The following STK39 variants were observed in gnomAD, a reference collection of about 807,000 sequenced individuals.
STK39 encodes STE20/SPS1-related proline-alanine-rich protein kinase.
Under a neutral mutation model 77.8 loss-of-function variants are expected in STK39, and 20 were observed. The ratio of observed to expected loss-of-function variants is 0.26; its 90% CI spans 0.18 to 0.37. The LOEUF (loss-of-function observed/expected upper bound fraction) is 0.37, where lower values mean the gene tolerates loss of function less well. Among genes scored for constraint, STK39 ranks in the 10% least tolerant of loss-of-function variants. The pLI is 1.00. For synonymous variants in STK39, 246 were observed against 234.1 expected, an observed-to-expected ratio of 1.05 and a Z score of -0.47; for missense variants, 479 against 656.5, an observed-to-expected ratio of 0.73 and a Z score of 2.95.
At chr2:168,236,325 G>C (rs1319090421) in intron 1 of STK39, among the ~76,000 whole-genome samples, 4 of 152,076 alleles carry the variant, frequency 2.6e-5, no homozygotes, top group African/African-American at 9.7e-5. Context: ...AAATTTGTTG[G>C]AGTTCATTGT....
chr2:168,179,051 G>A (rs1255692669), intron 2 of STK39, among the ~76,000 whole-genome samples: 1 of 149,592 alleles, frequency 6.7e-6, no homozygotes, highest in African/African-American at 2.5e-5. Context: ...CCAACAAATA[G>A]TTGATAATTG....
At chr2:168,018,506 G>T (rs1409394637) in intron 14 of STK39, among the ~76,000 whole-genome samples, 1 of 107,326 alleles carries the variant, frequency 9.3e-6, no homozygotes, top group Non-Finnish European at 1.8e-5. Flanking sequence ...TTTAAGAAAA[G>T]AAAGAAAAGA....
At chr2:168,100,170 ACT>A (rs1686784131) in intron 10 of STK39, among the ~76,000 whole-genome samples, 1 of 152,176 alleles carries the variant, frequency 6.6e-6, no homozygotes, top group Non-Finnish European at 1.5e-5. Flanking sequence ...TTTATATTGC[ACT>A]CACAATTGGG....
chr2:168,200,205 A>G (rs74532353), intron 1 of STK39, among the ~76,000 whole-genome samples: 3,584 of 152,306 alleles, frequency 0.024, 87 homozygotes, highest in East Asian at 0.078. Context: ...GAAGTGGGAA[A>G]GGCTACAAGT....
rs143767136 is a variant in STK39 at position 168,127,912 on chromosome 2, G to A, written c.1089+1629C>T. Among the ~76,000 whole-genome samples, 64 of 152,192 alleles carry A rather than the reference G, an allele frequency of 4.2e-4. 1 individual carries two copies. In the East Asian group the frequency reaches 9.7e-3, roughly 23 times the overall value. Reference sequence around the variant, plus strand: ...GAAGATGTGGAGAGTGGTTAGATGGGGAAGACAAGGTAGGGAAGGAGGGCT... The same window carrying A: ...GAAGATGTGGAGAGTGGTTAGATGGAGAAGACAAGGTAGGGAAGGAGGGCT... On this transcript the variant is annotated intron_variant, in intron 10 of 17. Transcript: ENST00000355999.
intron 1 of STK39, among the ~76,000 whole-genome samples, chr2:168,210,078 G>GAAGGAAGA (rs1273245360): frequency 6.9e-4 from 94 of 135,408 alleles, no homozygotes; most frequent in African/African-American, 2.2e-3. Flanking sequence ...AGGAAGGAAG[G>GAAGGAAGA]AAGAAAGAAA....
At chr2:168,183,972 A>G (rs1689145123) in intron 1 of STK39, among the ~76,000 whole-genome samples, 2 of 152,226 alleles carry the variant, frequency 1.3e-5, no homozygotes, top group Admixed American at 1.3e-4. Context: ...CCTGGTACCC[A>G]GCAGAGAAAT....
At chr2:168,086,172 T>G (rs1411116778) in intron 10 of STK39, among the ~76,000 whole-genome samples, 2 of 152,242 alleles carry the variant, frequency 1.3e-5, no homozygotes, top group East Asian at 1.9e-4. Flanking sequence ...GAATGTGTTT[T>G]CATTTTGTAT....
At chr2:168,193,174 G>C (rs1689381338) in intron 1 of STK39, among the ~76,000 whole-genome samples, 1 of 152,164 alleles carries the variant, frequency 6.6e-6, no homozygotes, top group Admixed American at 6.5e-5. Context: ...CTCTCCATCT[G>C]ATCTGATTGC....
intron 10 of STK39, among the ~76,000 whole-genome samples, chr2:168,102,618 T>C (rs1479698622): frequency 2.0e-5 from 3 of 152,172 alleles, no homozygotes; most frequent in Admixed American, 1.3e-4. Flanking sequence ...TCTGGGACCA[T>C]GAATTTATAC....
chr2:168,218,772 G>A (rs978230356), intron 1 of STK39, among the ~76,000 whole-genome samples: 5 of 152,196 alleles, frequency 3.3e-5, no homozygotes, highest in Non-Finnish European at 5.9e-5. Flanking sequence ...TGAAAAAGAC[G>A]TGGGGAAAGC....
chr2:168,030,963 AG>A (rs1684818873), intron 14 of STK39, among the ~76,000 whole-genome samples: 1 of 152,244 alleles, frequency 6.6e-6, no homozygotes, highest in Non-Finnish European at 1.5e-5. Context: ...GGATGAGGAC[AG>A]GACTTTTCAT....
chr2:168,035,347 C>T (rs1162564037), intron 14 of STK39, among the ~76,000 whole-genome samples: 1 of 152,174 alleles, frequency 6.6e-6, no homozygotes, highest in Non-Finnish European at 1.5e-5. Flanking sequence ...ATAGCTACTA[C>T]TTCAATTCTA....
At chr2:168,218,454 G>A (rs1440027988) in intron 1 of STK39, among the ~76,000 whole-genome samples, 1 of 152,120 alleles carries the variant, frequency 6.6e-6, no homozygotes, top group Non-Finnish European at 1.5e-5. Context: ...ATGCATACCA[G>A]GGTCAGGTCA....
intron 14 of STK39, among the ~76,000 whole-genome samples, chr2:168,047,442 A>T (rs1198126946): frequency 6.6e-6 from 1 of 152,230 alleles, no homozygotes; most frequent in Non-Finnish European, 1.5e-5. Flanking sequence ...TAAAAAGAGA[A>T]AGGATCAAAG....
chr2:168,162,223 C>T (rs13030453), intron 4 of STK39, among the ~76,000 whole-genome samples: 41,863 of 142,312 alleles, frequency 0.29, 6,750 homozygotes, highest in East Asian at 0.59. Context: ...GAGGTGGAGG[C>T]TGCAGTGAGC....
intron 15 of STK39, among the ~76,000 whole-genome samples, chr2:168,016,726 C>T (rs1188871893): frequency 6.6e-6 from 1 of 152,166 alleles, no homozygotes; most frequent in African/African-American, 2.4e-5. Context: ...CTGTGGTATG[C>T]TTCTCATCAC....
At chr2:168,167,201 G>T in intron 3 of STK39, 98 bp downstream of exon 3, 1 of 1,000,560 alleles carries the variant, frequency 1.0e-6, no homozygotes, top group East Asian at 2.6e-5. Context: ...TTCAAACACA[G>T]GAGAGAAAGG....
intron 16 of STK39, among the ~76,000 whole-genome samples, chr2:167,989,971 C>G (rs1308207428): frequency 6.6e-6 from 1 of 151,752 alleles, no homozygotes; most frequent in Non-Finnish European, 1.5e-5. Context: ...CAGAAGAGAA[C>G]TTAATGTGAG....
Sources: gnomAD v4.1 joint callset for allele counts (sites outside exome capture counted in the v4.1 genomes callset) on GRCh38, gnomAD v4.1.1 for gene constraint, MANE v1.5 for transcripts, NCBI Gene and HGNC (gene_info 2026-07-23, HGNC 2026-07-21) for gene names.